C1orf53: variants seen among roughly 807,000 people sequenced by gnomAD.
C1orf53 encodes the protein uncharacterized protein C1orf53.
Under a neutral mutation model 17.5 loss-of-function variants are expected in C1orf53, and 23 were observed. The ratio of observed to expected loss-of-function variants is 1.31; its 90% CI spans 0.94 to 1.86. The LOEUF (loss-of-function observed/expected upper bound fraction) is 1.86, where lower values mean the gene tolerates loss of function less well. C1orf53 is among the 40% of genes most tolerant of loss of function. The pLI is 0.00. For missense variants in C1orf53, 255 were observed against 193.2 expected, an observed-to-expected ratio of 1.32 and a Z score of -1.89; for synonymous variants, 108 against 81.9, an observed-to-expected ratio of 1.32 and a Z score of -1.72.
chr1:197,905,760 G>GCTGGGATGCCTTAGAGTGAGGCT lies in C1orf53; in HGVS notation c.265-36_265-35insCTGGGATGCCTTAGAGTGAGGCT, dbSNP rs1281079707. On this transcript the variant is annotated intron_variant, in intron 1 of 2. Transcript: ENST00000367393. ...ATGGTGAAGAGATATGATGAATATTGAGATTAATGAATTGTTTCATTTTAT... is the reference window on the plus strand; with the variant it reads ...ATGGTGAAGAGATATGATGAATATTGCTGGGATGCCTTAGAGTGAGGCTAGATTAATGAATTGTTTCATTTTAT... 4 of 1,314,900 alleles carry GCTGGGATGCCTTAGAGTGAGGCT rather than the reference G, an allele frequency of 3.0e-6. No homozygotes were observed. In the Admixed American group the frequency reaches 6.8e-5, roughly 22 times the overall value. 81.5% of individuals were successfully genotyped at this position (1,314,900 alleles called of 1,614,324 possible).
rs956069888 is a variant in C1orf53 at position 197,902,854 on chromosome 1, A to G, written c.205A>G (p.Ser69Gly). 18 of 1,543,366 alleles carry G rather than the reference A, an allele frequency of 1.2e-5. No homozygotes were observed. The highest frequency in any genetic ancestry group is 1.6e-5 in the Non-Finnish European group (18 of 1,151,688). Residue 69 changes from serine (S) to glycine (G), a missense_variant, in exon 1 of 3, where the codon AGC becomes GGC. Coordinates refer to ENST00000367393, the MANE Select transcript of C1orf53 (RefSeq NM_001024594.3). Reference protein sequence around the residue: ...RPERAARPSVSEELTAAERQI... With the variant: ...RPERAARPSVGEELTAAERQI... ...GGAGAGAGCGGCGAGGCCTTCGGTGAGCGAAGAGTTAACCGCGGCGGAGCG... is the reference window on the plus strand; with the variant it reads ...GGAGAGAGCGGCGAGGCCTTCGGTGGGCGAAGAGTTAACCGCGGCGGAGCG...
chr1:197,906,848 T>C (rs1297888263), intron 2 of C1orf53, among the ~76,000 whole-genome samples: 1 of 152,234 alleles, frequency 6.6e-6, no homozygotes, highest in Non-Finnish European at 1.5e-5. Flanking sequence ...TGCCCTTAGC[T>C]GTTTCTAATC....
intron 2 of C1orf53, 148 bp from the exon 3 acceptor site, chr1:197,907,001 C>T (rs1659531015): frequency 2.1e-6 from 1 of 472,492 alleles, no homozygotes; most frequent in Non-Finnish European, 3.8e-6. Context: ...CTGAGGTTGC[C>T]AATATTTTTC....
chr1:197,905,226 C>G (rs1276847864), intron 1 of C1orf53, among the ~76,000 whole-genome samples: 2 of 151,156 alleles, frequency 1.3e-5, no homozygotes, highest in African/African-American at 4.9e-5. Flanking sequence ...CTTAAAAATA[C>G]AACTAATAAC....
At position 197,905,874 on chromosome 1, in the gene C1orf53, T is replaced by C. The variant is rs186521541; in HGVS notation, c.343T>C (p.Cys115Arg). The C allele has an allele frequency of 6.2e-7, 1 of 1,613,846 alleles. No homozygotes were observed. Among genetic ancestry groups the C allele is most frequent in the African/African-American group, 1.3e-5 (1 of 75,052 alleles). Reference sequence around the variant, plus strand: ...GATTGCCCACTTGCAAAGAGGTGAATGTTGTGGCTCTGCGTGCAGACATGT... The same window carrying C: ...GATTGCCCACTTGCAAAGAGGTGAACGTTGTGGCTCTGCGTGCAGACATGT... ...TQIAHLQRGE[C>R]CGSACRHCPY... is the part of the protein sequence containing the mutation. The change falls in exon 2 of 3, where the codon TGT becomes CGT. Residue 115 changes from cysteine (C) to arginine (R), a missense_variant. Coordinates refer to ENST00000367393, the MANE Select transcript of C1orf53 (RefSeq NM_001024594.3).
At position 197,902,732 on chromosome 1, in the gene C1orf53, G is replaced by A. The variant is rs367751303; in HGVS notation, c.83G>A (p.Trp28Ter). ...GCCGCCCCGCCGCCAGCACCTCTCT[G>A]GGTAAGAGCTGGGTTCCGACAGCAG... is the stretch of plus-strand genomic sequence containing the variant. ...PSAAPPPAPL[W>*]VRAGFRQQLS... Residue 28 changes from tryptophan to a stop codon, truncating the protein, a stop_gained, in exon 1 of 3, where the codon TGG (tryptophan) becomes TAG (stop). Transcript: ENST00000367393. LOFTEE classifies it high-confidence loss of function. 13 of 1,559,930 alleles carry A rather than the reference G, an allele frequency of 8.3e-6. No homozygotes were observed. The African/African-American group carries it at 1.7e-4, about 20-fold the overall frequency.
In C1orf53 at chr1:197,907,203, T is replaced by C; in HGVS notation, c.421T>C (p.Ser141Pro). 1 of 1,579,506 alleles carries C rather than the reference T, an allele frequency of 6.3e-7. No homozygotes were observed. Among genetic ancestry groups the C allele is most frequent in the African/African-American group, 1.3e-5 (1 of 74,256 alleles). ...TCCATCTAAAAAGAAGCAATTCAAT[T>C]CATATTTTTATGTTTGACAAGAATT... is the stretch of plus-strand genomic sequence containing the variant. ...KDPSKKKQFN[S>P]YFYV is the part of the protein sequence containing the mutation. Residue 141 changes from serine (S) to proline (P), a missense_variant, in exon 3 of 3, where the codon TCA becomes CCA. Coordinates refer to ENST00000367393, the MANE Select transcript of C1orf53 (RefSeq NM_001024594.3).
At position 197,902,838 on chromosome 1, in the gene C1orf53, G is replaced by C; in HGVS notation, c.189G>C (p.Ala63=). 6.4e-7 allele frequency: 1 copy of C among 1,560,720 alleles called. No individual in the cohort carries two copies. The highest frequency in any genetic ancestry group is 8.6e-7 in the Non-Finnish European group (1 of 1,160,900). The change falls in exon 1 of 3, where the codon GCG becomes GCC. Residue 63 remains alanine (A), a synonymous_variant. Coordinates refer to ENST00000367393, the MANE Select transcript of C1orf53 (RefSeq NM_001024594.3). ...APSTPGRPER[A]ARPSVSEELT... is the part of the protein sequence containing the mutation. ...GCACGCCCGGTAGGCCGGAGAGAGCGGCGAGGCCTTCGGTGAGCGAAGAGT... is the reference window on the plus strand; with the variant it reads ...GCACGCCCGGTAGGCCGGAGAGAGCCGCGAGGCCTTCGGTGAGCGAAGAGT...
rs1659514639 is a variant in C1orf53, at chr1:197,905,853, GC to G, written c.325del (p.His109ThrfsTer46). ...ATGYVVLTQI[A>X]HLQRGECCGS... Reference sequence around the variant, plus strand: ...TGGCTATGTGGTGCTCACACAGATTGCCCACTTGCAAAGAGGTGAATGTTGT... The same window carrying G: ...TGGCTATGTGGTGCTCACACAGATTGCCACTTGCAAAGAGGTGAATGTTGT... On this transcript the variant is annotated frameshift_variant, in exon 2 of 3. Coordinates refer to ENST00000367393, the MANE Select transcript of C1orf53 (RefSeq NM_001024594.3). LOFTEE classifies it high-confidence loss of function. The G allele has an allele frequency of 1.2e-6, 2 of 1,613,818 alleles. No homozygotes were observed. Among genetic ancestry groups the G allele is most frequent in the African/African-American group, 2.7e-5 (2 of 74,920 alleles).
intron 2 of C1orf53, 55 bp from the exon 3 acceptor site, chr1:197,907,094 T>C: frequency 8.9e-7 from 1 of 1,125,384 alleles, no homozygotes; most frequent in Non-Finnish European, 1.3e-6. Flanking sequence ...GAAGTGTGCT[T>C]TTTCAAGATG....
rs933664130 is a variant in C1orf53 at position 197,905,951 on chromosome 1, G to A, written c.366+54G>A. On this transcript the variant is annotated intron_variant, in intron 2 of 2. Transcript: ENST00000367393. ...CAGTTTGCGGTGCTTCTGTAACTTCGTAAATACCTATTATTTGAACAACAA... is the reference window on the plus strand; with the variant it reads ...CAGTTTGCGGTGCTTCTGTAACTTCATAAATACCTATTATTTGAACAACAA... The A allele has an allele frequency of 1.6e-5, 20 of 1,214,982 alleles. No individual in the cohort carries two copies. In the East Asian group the frequency reaches 2.1e-4, roughly 13 times the overall value. The allele number at this position is 1,214,982 out of a possible 1,614,324, so 75.3% of individuals were successfully genotyped here.
At position 197,902,678 on chromosome 1, in the gene C1orf53, C is replaced by A. The variant is rs1297385438; in HGVS notation, c.29C>A (p.Thr10Lys). ...GCGGCCAGGCAGATCTGGGCACGGA[C>A]GGGTGCCGCGCTCTGCAGGCAACCT... Reference protein sequence around the residue: MAARQIWARTGAALCRQPSA... With the variant: MAARQIWARKGAALCRQPSA... Residue 10 changes from threonine (T) to lysine (K), a missense_variant, in exon 1 of 3, where the codon ACG becomes AAG. Transcript: ENST00000367393. The A allele has an allele frequency of 1.2e-5, 18 of 1,495,554 alleles. No homozygotes were observed. The East Asian group carries it at 4.9e-4, about 40-fold the overall frequency. 92.6% of individuals were successfully genotyped at this position (1,495,554 alleles called of 1,614,324 possible).
rs1380428642 is a variant in C1orf53 at position 197,905,892 on chromosome 1, A to C, written c.361A>C (p.Arg121=). Residue 121 remains arginine (R), a synonymous_variant, in exon 2 of 3, where the codon AGA becomes CGA. Coordinates refer to ENST00000367393, the MANE Select transcript of C1orf53 (RefSeq NM_001024594.3). ...QRGECCGSAC[R]HCPYGQVNVK... ...AGGTGAATGTTGTGGCTCTGCGTGC[A>C]GACATGTGAGTAGCAATTCTTGCAT... 1.1e-5 allele frequency: 18 copies of C among 1,611,772 alleles called. No individual in the cohort carries two copies. Among genetic ancestry groups the C allele is most frequent in the Non-Finnish European group, 1.4e-5 (17 of 1,178,026 alleles).
chr1:197,906,983 T>G (rs1305370744), intron 2 of C1orf53, among the ~76,000 whole-genome samples, 166 bp from the exon 3 acceptor site: 1 of 152,188 alleles, frequency 6.6e-6, no homozygotes, highest in Non-Finnish European at 1.5e-5. Flanking sequence ...CTAATTAGGA[T>G]CATTTGCCTG....
intron 1 of C1orf53, among the ~76,000 whole-genome samples, chr1:197,904,669 G>T (rs950557212): frequency 6.6e-6 from 1 of 152,158 alleles, no homozygotes; most frequent in Non-Finnish European, 1.5e-5. Context: ...CCAGCCTTGG[G>T]ACTTGCTCGG....
At chr1:197,905,079 T>TGAG (rs1659502554) in intron 1 of C1orf53, among the ~76,000 whole-genome samples, 1 of 152,198 alleles carries the variant, frequency 6.6e-6, no homozygotes, top group South Asian at 2.1e-4. Context: ...ACAAAGTACT[T>TGAG]GAGACACCGT....
chr1:197,907,095 T>C lies in C1orf53; in HGVS notation c.367-54T>C, dbSNP rs1659532176. ...TTTTGTCACCATGAGAAGTGTGCTT[T>C]TTCAAGATGATTGTTAAATAATTTA... is the stretch of plus-strand genomic sequence containing the variant. On this transcript the variant is annotated intron_variant, in intron 2 of 2. Transcript: ENST00000367393. 3 of 1,132,704 alleles carry C rather than the reference T, an allele frequency of 2.6e-6. No individual in the cohort carries two copies. In the African/African-American group the frequency reaches 4.7e-5, roughly 18 times the overall value. 70.2% of individuals were successfully genotyped at this position (1,132,704 alleles called of 1,614,324 possible).
rs561673273 is a variant in C1orf53, at chr1:197,906,162, A to C, written c.366+265A>C. ...TCATGGGAGCTCTTTATTACAAGGA[A>C]ACTTTTCATGGGGTTTCAAATAAGT... On this transcript the variant is annotated intron_variant, in intron 2 of 2. Transcript: ENST00000367393. 2.6e-5 allele frequency among the ~76,000 whole-genome samples: 4 copies of C among 152,316 alleles called. No homozygotes were observed. In the South Asian group the frequency reaches 6.2e-4, roughly 24 times the overall value.
rs1220786832 is a variant in C1orf53, at chr1:197,907,169, T to C, written c.387T>C (p.Asn129=). The C allele has an allele frequency of 2.5e-6, 4 of 1,577,904 alleles. No individual in the cohort carries two copies. Among genetic ancestry groups the C allele is most frequent in the African/African-American group, 1.3e-5 (1 of 74,112 alleles). Residue 129 remains asparagine (N), a synonymous_variant, in exon 3 of 3, where the codon AAT becomes AAC. Coordinates refer to ENST00000367393, the MANE Select transcript of C1orf53 (RefSeq NM_001024594.3). ...ACRHCPYGQV[N]VKDPSKKKQF... ...TGCAGTGTCCATATGGTCAAGTCAA[T>C]GTTAAAGATCCATCTAAAAAGAAGC...
Sources: allele counts gnomAD v4.1 joint callset (sites outside exome capture counted in the v4.1 genomes callset), GRCh38; gene constraint gnomAD v4.1.1; transcripts MANE v1.5; gene names NCBI Gene and HGNC (gene_info 2026-07-23, HGNC 2026-07-21).